The following SLC22A23 variants were observed in gnomAD, a reference collection of about 807,000 sequenced individuals.
The protein encoded by SLC22A23 is solute carrier family 22 member 23, also known as ion transporter protein.
SLC22A23 carries 26 observed loss-of-function variants against 61.0 expected under a neutral mutation model. The observed-to-expected ratio is 0.43, with a 90% confidence interval of 0.31 to 0.59. SLC22A23 has a LOEUF of 0.59. Ranked by LOEUF, SLC22A23 falls within the 20% of genes least tolerant of loss-of-function variation. The probability of loss-of-function intolerance (pLI) is 0.11; values close to 1 mark genes in which losing one functional copy is unlikely to be tolerated. For missense variants in SLC22A23, 796 were observed against 934.7 expected, an observed-to-expected ratio of 0.85 and a Z score of 1.94; for synonymous variants, 430 against 413.9, an observed-to-expected ratio of 1.04 and a Z score of -0.47.
At chr6:3,388,669 T>G (rs1040375770) in intron 3 of SLC22A23, among the ~76,000 whole-genome samples, 1 of 152,188 alleles carries the variant, frequency 6.6e-6, no homozygotes, top group East Asian at 1.9e-4. Context: ...CATCAACTGA[T>G]GAATGGATAA....
intron 6 of SLC22A23, among the ~76,000 whole-genome samples, chr6:3,288,057 G>A (rs1044346903): frequency 7.9e-5 from 12 of 152,178 alleles, no homozygotes; most frequent in Admixed American, 1.3e-4. Context: ...TGCCCCACAC[G>A]AGCGTATCAA....
At chr6:3,355,451 A>T (rs1765014254) in intron 3 of SLC22A23, among the ~76,000 whole-genome samples, 1 of 152,154 alleles carries the variant, frequency 6.6e-6, no homozygotes, top group Non-Finnish European at 1.5e-5. Context: ...AAAAATCTCC[A>T]TGATGATCTC....
intron 5 of SLC22A23, among the ~76,000 whole-genome samples, chr6:3,295,134 C>T (rs973755036): frequency 8.5e-5 from 13 of 152,264 alleles, no homozygotes; most frequent in African/African-American, 2.4e-4. Context: ...GCTCTACAGA[C>T]GGGCCCTGCC....
In SLC22A23 at chr6:3,447,322, T is replaced by C. The variant is rs186531247; in HGVS notation, c.654+8584A>G. Among the ~76,000 whole-genome samples, 655 of 152,312 alleles carry C rather than the reference T, an allele frequency of 4.3e-3. 3 individuals are homozygous for C. The highest frequency in any genetic ancestry group is 7.7e-3 in the Non-Finnish European group (522 of 68,020). ...TCATCTCAGATGTCACTTTCTTACA[T>C]AGACCAGTCTGTCTAGGTCAGGGTT... On this transcript the variant is annotated intron_variant, in intron 1 of 9. Transcript: ENST00000406686.
chr6:3,399,160 C>T (rs1166885704), intron 3 of SLC22A23, among the ~76,000 whole-genome samples: 2 of 152,194 alleles, frequency 1.3e-5, no homozygotes, highest in Non-Finnish European at 2.9e-5. Context: ...GAGGTGGGTT[C>T]CTACAGGCCT....
At chr6:3,293,237 G>A (rs1404467859) in intron 5 of SLC22A23, among the ~76,000 whole-genome samples, 2 of 152,110 alleles carry the variant, frequency 1.3e-5, no homozygotes, top group Non-Finnish European at 2.9e-5. Context: ...AAAAGGAGGA[G>A]GACAAGGAGC....
intron 3 of SLC22A23, among the ~76,000 whole-genome samples, chr6:3,398,454 ATTTTTTTTTTTT>A (rs1219591163): frequency 7.9e-6 from 1 of 127,248 alleles, no homozygotes; most frequent in Non-Finnish European, 1.7e-5. Flanking sequence ...ACAAAGCACT[ATTTTTTTTTTTT>A]TTTTTTTTTA....
chr6:3,389,964 A>C (rs1277528579), intron 3 of SLC22A23, among the ~76,000 whole-genome samples: 1 of 152,246 alleles, frequency 6.6e-6, no homozygotes, highest in African/African-American at 2.4e-5. Context: ...TCCTCCAAAA[A>C]TAAGACTCAG....
At chr6:3,314,881 CG>C (rs1762548643) in intron 4 of SLC22A23, among the ~76,000 whole-genome samples, 1 of 152,128 alleles carries the variant, frequency 6.6e-6, no homozygotes, top group African/African-American at 2.4e-5. Flanking sequence ...TGTGGGGAAT[CG>C]GTTCTGTTCC....
intron 1 of SLC22A23, among the ~76,000 whole-genome samples, chr6:3,446,416 C>G (rs1771898538): frequency 6.6e-6 from 1 of 152,226 alleles, no homozygotes; most frequent in South Asian, 2.1e-4. Context: ...TTAGCAAAGG[C>G]AAAGCCAGCT....
chr6:3,353,022 T>A (rs902976614), intron 3 of SLC22A23, among the ~76,000 whole-genome samples: 4 of 152,196 alleles, frequency 2.6e-5, no homozygotes, highest in African/African-American at 4.8e-5. Flanking sequence ...ATATTCATTT[T>A]TTGCCTGAAA....
In SLC22A23 at chr6:3,456,891, C is replaced by CAGGAGG. The variant is rs1170497425; in HGVS notation, c.-338_-333dup. ...CTCCGCTGCTCCGCGCCGGACGCGG[C>CAGGAGG]AGGAGGAGGAGCCGGCGCCGCGCCC... On this transcript the variant is annotated 5_prime_UTR_variant, in exon 1 of 10. Transcript: ENST00000406686. This position sits in a 1 kb window ranked among gnomAD's most constrained non-coding sequence, Gnocchi z 7.1. 4 of 148,318 alleles carry CAGGAGG rather than the reference C, an allele frequency of 2.7e-5. No individual in the cohort carries two copies. Among genetic ancestry groups the CAGGAGG allele is most frequent in the Admixed American group, 2.0e-4 (3 of 14,952 alleles). 9.2% of individuals were successfully genotyped at this position (148,318 alleles called of 1,614,324 possible). A position where few individuals can be genotyped will look rare whatever the true frequency, so the allele number is the denominator to read the frequency against.
Position 3,396,505 on chromosome 6 carries a change from C to CG in SLC22A23, c.913+13682dup, listed in dbSNP as rs372381539. Among the ~76,000 whole-genome samples the CG allele has an allele frequency of 1.4e-4, 22 of 152,220 alleles. No individual in the cohort carries two copies. In the East Asian group the frequency reaches 4.3e-3, roughly 29 times the overall value. On this transcript the variant is annotated intron_variant, in intron 3 of 9. Transcript: ENST00000406686. ...CAGAGGTTGCAGTGAGCCAAGATCG[C>CG]GCCACTGCACTCCAGCCTGGTGACA...
intron 1 of SLC22A23, chr6:3,438,601 T>C (rs1004645889): frequency 1.0e-4 from 45 of 436,824 alleles, no homozygotes; most frequent in Non-Finnish European, 2.0e-4. Context: ...AAGGCTAGTT[T>C]GAATTAGAGA....
intron 3 of SLC22A23, among the ~76,000 whole-genome samples, chr6:3,339,041 G>A (rs567181730): frequency 2.0e-5 from 3 of 152,344 alleles, no homozygotes; most frequent in South Asian, 2.1e-4. Context: ...TGTGTGGAGA[G>A]CACAGAGCTG....
At position 3,427,143 on chromosome 6, in the gene SLC22A23, C is replaced by T. The variant is rs73720891; in HGVS notation, c.655-11288G>A. ...CGGTCATCAGGGCAAGCTTTTTCAC[C>T]GTGTGGGGGCTCAGTTTTAACATCT... On this transcript the variant is annotated intron_variant, in intron 1 of 9. Transcript: ENST00000406686. This position sits in a 1 kb window ranked among gnomAD's most constrained non-coding sequence, Gnocchi z 4.3. 0.033 allele frequency among the ~76,000 whole-genome samples: 5,021 copies of T among 152,226 alleles called. 294 individuals are homozygous for T. Among genetic ancestry groups the T allele is most frequent in the African/African-American group, 0.11 (4,767 of 41,496 alleles).
At chr6:3,449,613 C>T (rs1036740020) in intron 1 of SLC22A23, among the ~76,000 whole-genome samples, 2 of 152,170 alleles carry the variant, frequency 1.3e-5, no homozygotes, top group African/African-American at 2.4e-5. Context: ...TCACAACCAC[C>T]ACCAAATACA....
At chr6:3,349,121 G>A (rs1262043030) in intron 3 of SLC22A23, among the ~76,000 whole-genome samples, 1 of 152,216 alleles carries the variant, frequency 6.6e-6, no homozygotes, top group Non-Finnish European at 1.5e-5. Context: ...GCAAACAGCT[G>A]GGTGATGGGG....
At chr6:3,273,702 AGAACTTTATTTT>A (rs1394608249) in intron 9 of SLC22A23, among the ~76,000 whole-genome samples, 1 of 152,238 alleles carries the variant, frequency 6.6e-6, no homozygotes, top group East Asian at 1.9e-4. Context: ...GGGGACCATG[AGAACTTTATTTT>A]GAAAGGCAGC....
Sources: gnomAD v4.1 joint callset for allele counts (sites outside exome capture counted in the v4.1 genomes callset) on GRCh38, gnomAD v4.1.1 for gene constraint, Gnocchi (gnomAD v3.1) non-coding constraint, MANE v1.5 for transcripts, NCBI Gene and HGNC (gene_info 2026-07-23, HGNC 2026-07-21) for gene names.